CCSER1: variants seen among roughly 807,000 people sequenced by gnomAD.
CCSER1 encodes serine-rich coiled-coil domain-containing protein 1.
Under a neutral mutation model 82.0 loss-of-function variants are expected in CCSER1, and 41 were observed. The ratio of observed to expected loss-of-function variants is 0.50; its 90% confidence interval spans 0.39 to 0.65. The LOEUF is 0.65. CCSER1 is among the 30% of genes least tolerant of loss of function. CCSER1 has a pLI of 0.00. For synonymous variants in CCSER1, 414 were observed against 383.9 expected (o/e 1.08, Z -0.92); for missense variants, 1,119 against 1,064.2 (o/e 1.05, Z -0.72).
intron 9 of CCSER1, among the ~76,000 whole-genome samples, chr4:90,966,861 A>T (rs1734615987): frequency 6.6e-6 from 1 of 152,070 alleles, no homozygotes; most frequent in South Asian, 2.1e-4. Flanking sequence ...TTCCTATCAA[A>T]ATCCCAGCTA....
chr4:91,132,655 T>C (rs1728096244), intron 10 of CCSER1, among the ~76,000 whole-genome samples: 1 of 152,204 alleles, frequency 6.6e-6, no homozygotes, highest in Admixed American at 6.5e-5. Context: ...TGTAAGCAAT[T>C]ACAGTCTGTC....
intron 7 of CCSER1, among the ~76,000 whole-genome samples, chr4:90,789,186 C>A (rs1250448892): frequency 6.6e-6 from 1 of 152,138 alleles, no homozygotes; most frequent in African/African-American, 2.4e-5. Flanking sequence ...TCCAGAGCAG[C>A]TTTGATAATG....
chr4:91,530,291 A>G (rs774102619), intron 10 of CCSER1, among the ~76,000 whole-genome samples: 23 of 152,122 alleles, frequency 1.5e-4, no homozygotes, highest in Admixed American at 4.6e-4. Flanking sequence ...TAATATTTAG[A>G]TTACATTTAT....
intron 1 of CCSER1, among the ~76,000 whole-genome samples, chr4:90,157,669 C>T (rs1049073895): frequency 1.8e-4 from 27 of 152,152 alleles, no homozygotes; most frequent in African/African-American, 5.8e-4. Flanking sequence ...ATTGCATCGG[C>T]TCCTGAGGCT....
chr4:91,080,600 A>T (rs888330369), intron 9 of CCSER1, among the ~76,000 whole-genome samples: 1 of 152,128 alleles, frequency 6.6e-6, no homozygotes, highest in South Asian at 2.1e-4. Flanking sequence ...GGCACAAAAA[A>T]CCCTTCAAAA....
chr4:90,871,527 G>A lies in CCSER1; in HGVS notation c.2095-51843G>A, dbSNP rs149071371. On this transcript the variant is annotated intron_variant, in intron 8 of 10. Transcript: ENST00000509176. ...GTTTTATTCCATTGTAGTTAGAAAG[G>A]ATAATTGATATTATTTCAAATTTTT... 5.1e-4 allele frequency among the ~76,000 whole-genome samples: 77 copies of A among 151,922 alleles called. 1 individual carries two copies. The East Asian group carries it at 0.012, about 24-fold the overall frequency.
intron 4 of CCSER1, among the ~76,000 whole-genome samples, chr4:90,435,510 T>C (rs928195705): frequency 6.6e-6 from 1 of 152,164 alleles, no homozygotes; most frequent in Non-Finnish European, 1.5e-5. Flanking sequence ...TTCTGTGGAA[T>C]GTTTATCTCT....
intron 7 of CCSER1, among the ~76,000 whole-genome samples, chr4:90,745,464 A>T (rs1338233581): frequency 2.0e-5 from 3 of 152,160 alleles, no homozygotes; most frequent in Non-Finnish European, 2.9e-5. Flanking sequence ...ATGGGGCGGG[A>T]AGCGTTATTC....
At chr4:90,273,529 CA>C (rs1442736563) in intron 1 of CCSER1, among the ~76,000 whole-genome samples, 2 of 152,044 alleles carry the variant, frequency 1.3e-5, no homozygotes, top group African/African-American at 2.4e-5. Flanking sequence ...AGTTTTAAAT[CA>C]GAAACATTTT....
At chr4:90,368,992 A>G (rs1746830667) in intron 3 of CCSER1, among the ~76,000 whole-genome samples, 1 of 151,994 alleles carries the variant, frequency 6.6e-6, no homozygotes, top group Admixed American at 6.6e-5. Context: ...ATAAATTAGA[A>G]AACCTATACA....
chr4:91,032,791 TG>T (rs990162771), intron 9 of CCSER1, among the ~76,000 whole-genome samples: 9 of 152,224 alleles, frequency 5.9e-5, no homozygotes, highest in Non-Finnish European at 1.5e-5. Context: ...ATAGATTACT[TG>T]GGCCCAACCC....
chr4:90,403,415 C>T (rs1004891755), intron 4 of CCSER1, among the ~76,000 whole-genome samples: 3 of 142,560 alleles, frequency 2.1e-5, no homozygotes, highest in Non-Finnish European at 4.5e-5. Context: ...AGGAGAATGG[C>T]GTGAACCCGG....
Position 90,427,578 on chromosome 4 carries a change from A to G in CCSER1, c.1603+27449A>G, listed in dbSNP as rs141004453. Among the ~76,000 whole-genome samples the G allele has an allele frequency of 3.3e-4, 50 of 151,780 alleles. No individual in the cohort carries two copies. In the East Asian group the frequency reaches 9.3e-3, roughly 28 times the overall value. ...TTCACTATCTAATTGTTGTTGTCAA[A>G]AGCTATAGTGATTATTTTCATGAAA... On this transcript the variant is annotated intron_variant, in intron 4 of 10. Coordinates refer to ENST00000509176, the MANE Select transcript of CCSER1 (RefSeq NM_001145065.2).
At chr4:90,227,152 G>T (rs544529471) in intron 1 of CCSER1, among the ~76,000 whole-genome samples, 6 of 152,200 alleles carry the variant, frequency 3.9e-5, no homozygotes, top group Non-Finnish European at 7.4e-5. Context: ...TTCTAACTCT[G>T]GCTCAGCATC....
intron 7 of CCSER1, among the ~76,000 whole-genome samples, chr4:90,807,163 C>T (rs921907524): frequency 6.6e-6 from 1 of 152,002 alleles, no homozygotes; most frequent in African/African-American, 2.4e-5. Context: ...TTGTAGCATC[C>T]AGGATTTGAT....
intron 9 of CCSER1, among the ~76,000 whole-genome samples, chr4:90,998,287 T>C (rs1208268539): frequency 2.0e-5 from 3 of 151,988 alleles, no homozygotes; most frequent in African/African-American, 7.2e-5. Flanking sequence ...TCCATGTTGA[T>C]CAAGCTCGTC....
intron 8 of CCSER1, among the ~76,000 whole-genome samples, chr4:90,833,175 T>A (rs1178844799): frequency 6.6e-6 from 1 of 152,134 alleles, no homozygotes; most frequent in African/African-American, 2.4e-5. Flanking sequence ...TGGTGAGGGC[T>A]TTTACCCTGC....
chr4:90,314,749 G>C (rs1735870863), intron 3 of CCSER1, among the ~76,000 whole-genome samples: 1 of 148,078 alleles, frequency 6.8e-6, no homozygotes, highest in Admixed American at 6.8e-5. Context: ...ACCTGGTCTC[G>C]ATAAGATAAA....
chr4:90,411,742 A>T (rs964116226), intron 4 of CCSER1, among the ~76,000 whole-genome samples: 4 of 152,186 alleles, frequency 2.6e-5, no homozygotes, highest in African/African-American at 4.8e-5. Flanking sequence ...CACCACTCCT[A>T]TTCAACATAG....
Sources: gnomAD v4.1 joint callset for allele counts (sites outside exome capture counted in the v4.1 genomes callset) on GRCh38, gnomAD v4.1.1 for gene constraint, MANE v1.5 for transcripts, NCBI Gene and HGNC (gene_info 2026-07-23, HGNC 2026-07-21) for gene names.